Variants in CACNB4 observed in about 807,000 individuals in gnomAD.
The protein encoded by CACNB4 is calcium voltage-gated channel auxiliary subunit beta 4.
CACNB4 carries 32 observed loss-of-function variants against 71.2 expected under a neutral mutation model. The ratio of observed to expected loss-of-function variants is 0.45; its 90% CI spans 0.34 to 0.60. The LOEUF (loss-of-function observed/expected upper bound fraction) is 0.60, where lower values mean the gene tolerates loss of function less well. CACNB4 is among the 20% of genes least tolerant of loss of function. The pLI, the probability that CACNB4 is intolerant of heterozygous loss-of-function variation, is 0.01. For missense variants in CACNB4, 464 were observed against 647.9 expected (o/e 0.72, Z 3.08); for synonymous variants, 231 against 236.9 (o/e 0.97, Z 0.23).
intron 2 of CACNB4, among the ~76,000 whole-genome samples, chr2:152,025,020 T>C (rs1683885673): frequency 1.3e-5 from 2 of 152,100 alleles, no homozygotes; most frequent in Non-Finnish European, 2.9e-5. Flanking sequence ...CACACCACTG[T>C]ACTCCAGCCT....
At chr2:151,902,030 AC>A (rs1338841413) in intron 2 of CACNB4, among the ~76,000 whole-genome samples, 2 of 92,238 alleles carry the variant, frequency 2.2e-5, no homozygotes. Context: ...ACACAACATC[AC>A]CTTTTTTTTT....
At chr2:151,898,403 C>T (rs1031830737) in intron 2 of CACNB4, among the ~76,000 whole-genome samples, 2 of 152,098 alleles carry the variant, frequency 1.3e-5, no homozygotes, top group Non-Finnish European at 2.9e-5. Context: ...GCTAGCTGAC[C>T]CACATACCAA....
chr2:151,992,033 C>G (rs1439826998), intron 2 of CACNB4, among the ~76,000 whole-genome samples: 2 of 152,138 alleles, frequency 1.3e-5, no homozygotes, highest in African/African-American at 4.8e-5. Flanking sequence ...CAGAATGGCC[C>G]CCCTGAAGGA....
chr2:151,989,707 C>T (rs146878889), intron 2 of CACNB4, among the ~76,000 whole-genome samples: 25 of 152,328 alleles, frequency 1.6e-4, no homozygotes, highest in African/African-American at 5.1e-4. Context: ...AGTTCAACAA[C>T]CACATATTCA....
intron 2 of CACNB4, among the ~76,000 whole-genome samples, chr2:152,081,291 A>G (rs1295850245): frequency 2.0e-5 from 3 of 152,206 alleles, no homozygotes; most frequent in Non-Finnish European, 4.4e-5. Flanking sequence ...AAAATACCAC[A>G]GAATGGGTAA....
At chr2:151,862,712 A>G (rs1455662793) in intron 9 of CACNB4, among the ~76,000 whole-genome samples, 2 of 152,166 alleles carry the variant, frequency 1.3e-5, no homozygotes, top group African/African-American at 2.4e-5. Context: ...CAACTTTTTC[A>G]TCTTACCAAG....
intron 9 of CACNB4, among the ~76,000 whole-genome samples, chr2:151,862,797 G>A (rs538225605): frequency 3.9e-5 from 6 of 152,160 alleles, no homozygotes; most frequent in South Asian, 4.1e-4. Context: ...CCTGGGTATC[G>A]GGCCAGTGCC....
intron 2 of CACNB4, among the ~76,000 whole-genome samples, chr2:151,974,535 T>G (rs148880465): frequency 1.2e-4 from 19 of 152,350 alleles, no homozygotes; most frequent in African/African-American, 4.3e-4. Context: ...CAAAAACTTC[T>G]CAACTTTTAG....
At chr2:151,871,942 A>G (rs971185268) in intron 6 of CACNB4, 3 of 164,846 alleles carry the variant, frequency 1.8e-5, no homozygotes, top group African/African-American at 7.2e-5. Context: ...TCTGCTGTCC[A>G]AATGTAAACG....
chr2:151,974,875 A>T (rs2099873502), intron 2 of CACNB4, among the ~76,000 whole-genome samples: 2 of 152,084 alleles, frequency 1.3e-5, no homozygotes, highest in South Asian at 4.1e-4. Context: ...GCCCACTCTA[A>T]AAGTAGCCAG....
chr2:151,872,561 A>G (rs1037610607), intron 5 of CACNB4, 68 bp from the exon 6 acceptor site: 2 of 863,954 alleles, frequency 2.3e-6, no homozygotes, highest in Non-Finnish European at 3.8e-6. Context: ...TGAGAGTACA[A>G]AGCTTTCTTT....
At chr2:151,848,728 A>T (rs1325622035) in intron 12 of CACNB4, among the ~76,000 whole-genome samples, 1 of 152,222 alleles carries the variant, frequency 6.6e-6, no homozygotes, top group Non-Finnish European at 1.5e-5. Context: ...TACACAGCTC[A>T]AACAGCCACA....
chr2:151,845,663 G>A (rs773556360), intron 12 of CACNB4, among the ~76,000 whole-genome samples: 2 of 152,180 alleles, frequency 1.3e-5, no homozygotes, highest in Non-Finnish European at 2.9e-5. Context: ...CAGAAGTCCC[G>A]GGCAGCGAAC....
At chr2:151,943,179 G>A (rs1450365239) in intron 2 of CACNB4, among the ~76,000 whole-genome samples, 2 of 152,116 alleles carry the variant, frequency 1.3e-5, no homozygotes, top group Admixed American at 6.5e-5. Flanking sequence ...CACCTCCGGC[G>A]GCCCAGCTGT....
intron 2 of CACNB4, among the ~76,000 whole-genome samples, chr2:151,938,077 G>C (rs2099863372): frequency 6.6e-6 from 1 of 152,154 alleles, no homozygotes. Flanking sequence ...CTTTACACAT[G>C]ACAATTATTC....
At chr2:151,902,975 G>A (rs548841522) in intron 2 of CACNB4, among the ~76,000 whole-genome samples, 9 of 152,002 alleles carry the variant, frequency 5.9e-5, no homozygotes, top group African/African-American at 1.2e-4. Flanking sequence ...AATCTCTCTC[G>A]AAGGATTGCT....
chr2:151,877,807 A>G (rs543662796), intron 4 of CACNB4, among the ~76,000 whole-genome samples: 1 of 152,346 alleles, frequency 6.6e-6, no homozygotes, highest in Admixed American at 6.5e-5. Context: ...GTTCCATGAC[A>G]AGCAAACTCA....
chr2:152,028,400 G>A (rs139046065), intron 2 of CACNB4, among the ~76,000 whole-genome samples: 5 of 152,250 alleles, frequency 3.3e-5, no homozygotes, highest in South Asian at 4.1e-4. Context: ...GAATTCTCCC[G>A]ACACCCACTG....
intron 2 of CACNB4, among the ~76,000 whole-genome samples, chr2:151,993,487 G>A (rs943285607): frequency 6.6e-6 from 1 of 152,004 alleles, no homozygotes; most frequent in African/African-American, 2.4e-5. Flanking sequence ...TACAAGAGGG[G>A]CCAGGTAAGG....
Sources: gnomAD v4.1 joint callset for allele counts (sites outside exome capture counted in the v4.1 genomes callset) on GRCh38, gnomAD v4.1.1 for gene constraint, MANE v1.5 for transcripts, NCBI Gene and HGNC (gene_info 2026-07-23, HGNC 2026-07-21) for gene names.